Variants in VASP observed in about 807,000 individuals in gnomAD.
The protein encoded by VASP is vasodilator stimulated phosphoprotein, also known as vasodilator-stimulated phosphoprotein.
A neutral mutation model predicts 54.4 loss-of-function variants in VASP; 27 were observed. The ratio of observed to expected loss-of-function variants is 0.50; its 90% CI spans 0.37 to 0.68. The LOEUF is 0.68. Among genes scored for constraint, VASP ranks in the 30% least tolerant of loss-of-function variants. The pLI, the probability that VASP is intolerant of heterozygous loss-of-function variation, is 0.00. For missense variants in VASP, 488 were observed against 528.3 expected (o/e 0.92, Z 0.75); for synonymous variants, 233 against 209.8 (o/e 1.11, Z -0.96).
chr19:45,524,865 G>A (rs148122162), intron 11 of VASP: 21 of 519,296 alleles, frequency 4.0e-5, no homozygotes, highest in African/African-American at 2.5e-4. Flanking sequence ...ATCTATCACC[G>A]CGCTCATTCC....
In VASP at chr19:45,522,516, G is replaced by A. The variant is rs1363951117; in HGVS notation, c.655G>A (p.Gly219Arg). The A allele has an allele frequency of 7.6e-6, 11 of 1,456,158 alleles. No homozygotes were observed. Among genetic ancestry groups the A allele is most frequent in the Non-Finnish European group, 9.0e-7 (1 of 1,109,148 alleles). The allele number at this position is 1,456,158 out of a possible 1,614,324, so 90.2% of individuals were successfully genotyped here. A position where few individuals can be genotyped will look rare whatever the true frequency, so the allele number is the denominator to read the frequency against. Reference sequence around the variant, plus strand: ...CCCGGCAGCACAGGGCCCTGGTGGTGGGGGAGCTGGGGCCCCAGGCCTGGC... The same window carrying A: ...CCCGGCAGCACAGGGCCCTGGTGGTAGGGGAGCTGGGGCCCCAGGCCTGGC... ...PLPAAQGPGGGGAGAPGLAAA... is the reference protein window; with the variant it reads ...PLPAAQGPGGRGAGAPGLAAA... The change falls in exon 6 of 13, where the codon GGG (glycine) becomes AGG (arginine). Residue 219 changes from glycine (G) to arginine (R), a missense_variant. By Grantham distance (125) the Gly-to-Arg change is moderately radical. Around this residue, in one of 4 missense-constraint regions of VASP, gnomAD observed 226 missense variants for 196.0 expected, o/e 1.15. Transcript: ENST00000245932.
chr19:45,508,063 C>T (rs1489512482), intron 1 of VASP, among the ~76,000 whole-genome samples: 4 of 151,824 alleles, frequency 2.6e-5, no homozygotes, highest in Non-Finnish European at 5.9e-5. Context: ...TAGAGGACCT[C>T]AAAGTTGGCA....
Position 45,522,751 on chromosome 19 carries a change from A to T in VASP, c.754A>T (p.Lys252Ter). Residue 252 changes from lysine (K) to a stop codon, truncating the protein, a stop_gained, in exon 7 of 13, where the codon AAA becomes TAA. Coordinates refer to ENST00000245932, the MANE Select transcript of VASP (RefSeq NM_003370.4). LOFTEE classifies it high-confidence loss of function. ...EEASGGPTAP[K>*]AESGRSGGGG... ...GGCCTCAGGGGGGCCCACAGCCCCC[A>T]AAGCTGAGAGTGGTCGAAGCGGAGG... is the stretch of plus-strand genomic sequence containing the variant. The T allele has an allele frequency of 6.2e-7, 1 of 1,602,044 alleles. No individual in the cohort carries two copies. Among genetic ancestry groups the T allele is most frequent in the Non-Finnish European group, 8.5e-7 (1 of 1,177,024 alleles).
intron 1 of VASP, among the ~76,000 whole-genome samples, chr19:45,510,127 T>G (rs1318611646): frequency 1.3e-5 from 2 of 152,152 alleles, no homozygotes; most frequent in Non-Finnish European, 2.9e-5. Context: ...CAATAATAGC[T>G]ATTTTTATTT....
At chr19:45,513,468 C>CCTTTTTT (rs1968640369) in intron 1 of VASP, among the ~76,000 whole-genome samples, 1 of 92,766 alleles carries the variant, frequency 1.1e-5, no homozygotes, top group African/African-American at 4.8e-5. Context: ...AGTCTCTCTC[C>CCTTTTTT]TTTTTTTTTT....
Position 45,507,798 on chromosome 19 carries a change from A to G in VASP, c.5+22A>G. 1.5e-6 allele frequency: 2 copies of G among 1,342,146 alleles called. No homozygotes were observed. The highest frequency in any genetic ancestry group is 1.9e-6 in the Non-Finnish European group (2 of 1,050,614). 83.1% of individuals were successfully genotyped at this position (1,342,146 alleles called of 1,614,324 possible). A position where few individuals can be genotyped will look rare whatever the true frequency, so the allele number is the denominator to read the frequency against. Reference sequence around the variant, plus strand: ...TGAGGTGAGCCGGACCTGCCCCCCGACCCGTCCCCGCCCGGGCGGGCTCCG... The same window carrying G: ...TGAGGTGAGCCGGACCTGCCCCCCGGCCCGTCCCCGCCCGGGCGGGCTCCG... On this transcript the variant is annotated intron_variant, in intron 1 of 12. Coordinates refer to ENST00000245932, the MANE Select transcript of VASP (RefSeq NM_003370.4). This position sits in a 1 kb window ranked among gnomAD's most constrained non-coding sequence, Gnocchi z 4.4.
intron 1 of VASP, among the ~76,000 whole-genome samples, chr19:45,514,045 G>A (rs1350580860): frequency 1.3e-5 from 2 of 152,172 alleles, no homozygotes; most frequent in African/African-American, 4.8e-5. Flanking sequence ...GTGCAGCAGG[G>A]GATGAAAAGG....
intron 2 of VASP, 45 bp downstream of exon 2, chr19:45,517,879 G>GCCCCCC: frequency 9.7e-7 from 1 of 1,035,022 alleles, no homozygotes; most frequent in Non-Finnish European, 1.4e-6. Flanking sequence ...ACCCCTACCC[G>GCCCCCC]CCCCACCCCT....
rs1306051553 is a variant in VASP at position 45,507,797 on chromosome 19, G to A, written c.5+21G>A. 4 of 1,272,276 alleles carry A rather than the reference G, an allele frequency of 3.1e-6. No homozygotes were observed. The highest frequency in any genetic ancestry group is 4.0e-6 in the Non-Finnish European group (4 of 1,002,402). 78.8% of individuals were successfully genotyped at this position (1,272,276 alleles called of 1,614,324 possible). A position where few individuals can be genotyped will look rare whatever the true frequency, so the allele number is the denominator to read the frequency against. On this transcript the variant is annotated intron_variant, in intron 1 of 12. Coordinates refer to ENST00000245932, the MANE Select transcript of VASP (RefSeq NM_003370.4). The surrounding 1 kb of genome is among the most constrained non-coding windows in gnomAD (Gnocchi z 4.4). ...ATGAGGTGAGCCGGACCTGCCCCCC[G>A]ACCCGTCCCCGCCCGGGCGGGCTCC...
At chr19:45,520,223 A>C (rs1477438307) in intron 3 of VASP, among the ~76,000 whole-genome samples, 2 of 152,088 alleles carry the variant, frequency 1.3e-5, no homozygotes, top group East Asian at 3.9e-4. Context: ...CTTAAACCTT[A>C]ACGTGCACAT....
intron 1 of VASP, among the ~76,000 whole-genome samples, chr19:45,514,409 G>A (rs1219085602): frequency 6.6e-6 from 1 of 152,004 alleles, no homozygotes; most frequent in East Asian, 1.9e-4. Flanking sequence ...TTTAGAGATG[G>A]GGGGTCTCAC....
chr19:45,519,894 C>CTTTTTTTT lies in VASP; in HGVS notation c.344-1407_344-1400dup, dbSNP rs57892194. ...ACAGGCGTGAGCCACTGCGCCCGGC[C>CTTTTTTTT]TTTTTTTTTTTTTTTTTTTTTTTTT... is the stretch of plus-strand genomic sequence containing the variant. On this transcript the variant is annotated intron_variant, in intron 3 of 12. Coordinates refer to ENST00000245932, the MANE Select transcript of VASP (RefSeq NM_003370.4). Among the ~76,000 whole-genome samples the CTTTTTTTT allele has an allele frequency of 5.5e-4, 28 of 50,988 alleles. 7 individuals are homozygous for CTTTTTTTT. The highest frequency in any genetic ancestry group is 2.3e-3 in the African/African-American group (24 of 10,220). The allele number at this position is 50,988 out of a possible 152,430, so 33.5% of individuals were successfully genotyped here.
rs935173529 is a variant in VASP, at chr19:45,526,522, C to T, written c.*345C>T. ...CCCTTGTTCTAGATTCACTTTAACG[C>T]TTAATGCCTTCAAAGTTTTGGTTTT... On this transcript the variant is annotated 3_prime_UTR_variant, in exon 13 of 13. Coordinates refer to ENST00000245932, the MANE Select transcript of VASP (RefSeq NM_003370.4). 2 of 214,394 alleles carry T rather than the reference C, an allele frequency of 9.3e-6. No individual in the cohort carries two copies. The highest frequency in any genetic ancestry group is 1.8e-5 in the Non-Finnish European group (2 of 109,230). 13.3% of individuals were successfully genotyped at this position (214,394 alleles called of 1,614,324 possible).
intron 3 of VASP, among the ~76,000 whole-genome samples, chr19:45,519,892 G>GC (rs201708454): frequency 4.4e-5 from 3 of 67,718 alleles, no homozygotes; most frequent in African/African-American, 1.2e-4. Context: ...ACTGCGCCCG[G>GC]CCTTTTTTTT....
intron 1 of VASP, among the ~76,000 whole-genome samples, chr19:45,509,530 CCACCACCAG>C (rs969990854): frequency 6.0e-5 from 9 of 151,192 alleles, no homozygotes; most frequent in African/African-American, 2.2e-4. Context: ...ACCACCACCA[CCACCACCAG>C]CACCAGCCCT....
chr19:45,514,172 G>A (rs932867868), intron 1 of VASP, among the ~76,000 whole-genome samples: 8 of 152,138 alleles, frequency 5.3e-5, no homozygotes, highest in African/African-American at 1.2e-4. Context: ...ACACAGGCCC[G>A]AGGCAGGAAT....
chr19:45,516,990 A>AAAAAG (rs1968716252), intron 1 of VASP, among the ~76,000 whole-genome samples: 1 of 104,556 alleles, frequency 9.6e-6, no homozygotes, highest in African/African-American at 3.9e-5. Context: ...TCTCAAAAAA[A>AAAAAG]AAAAAAAAAA....
intron 7 of VASP, 105 bp downstream of exon 7, chr19:45,522,923 T>C (rs1002619896): frequency 3.3e-6 from 4 of 1,202,436 alleles, no homozygotes; most frequent in African/African-American, 3.2e-5. Flanking sequence ...TTGGTGAATG[T>C]TCCCCCTTTG....
chr19:45,517,307 CTG>C (rs1234150931), intron 1 of VASP, among the ~76,000 whole-genome samples: 1 of 151,932 alleles, frequency 6.6e-6, no homozygotes, highest in African/African-American at 2.4e-5. Flanking sequence ...TTATCTCTTT[CTG>C]TGTCTGCCTC....
Sources: gnomAD v4.1 joint callset for allele counts (sites outside exome capture counted in the v4.1 genomes callset) on GRCh38, gnomAD v4.1.1 for gene constraint, gnomAD v4.1.1 regional missense constraint, Gnocchi (gnomAD v3.1) non-coding constraint, MANE v1.5 for transcripts, NCBI Gene and HGNC (gene_info 2026-07-23, HGNC 2026-07-21) for gene names.